The following SMARCB1 variants were observed in gnomAD, a reference collection of about 807,000 sequenced individuals.
SMARCB1 encodes the protein SWI/SNF related BAF chromatin remodeling complex subunit B1, also known as SWI/SNF-related matrix-associated actin-dependent regulator of chromatin subfamily B member 1.
Under a neutral mutation model 49.0 loss-of-function variants are expected in SMARCB1, and 5 were observed. The observed-to-expected ratio is 0.10, with a 90% CI of 0.05 to 0.21. The LOEUF is 0.21. Among genes scored for constraint, SMARCB1 ranks in the 10% least tolerant of loss-of-function variants. SMARCB1 has a pLI of 1.00. For missense variants in SMARCB1, 226 were observed against 509.2 expected (o/e 0.44, Z 5.35); for synonymous variants, 201 against 200.1 (o/e 1.00, Z -0.04).
At chr22:23,819,527 C>T (rs558252500) in intron 6 of SMARCB1, among the ~76,000 whole-genome samples, 2 of 152,050 alleles carry the variant, frequency 1.3e-5, no homozygotes, top group African/African-American at 2.4e-5. Flanking sequence ...GACCGGGTTT[C>T]ACCATGTTGG....
At chr22:23,788,105 C>T (rs1348515700) in intron 1 of SMARCB1, among the ~76,000 whole-genome samples, 3 of 152,144 alleles carry the variant, frequency 2.0e-5, no homozygotes, top group Non-Finnish European at 2.9e-5. Flanking sequence ...AACTCCTGGG[C>T]TCAAGCAGTC....
intron 3 of SMARCB1, among the ~76,000 whole-genome samples, chr22:23,795,421 C>T (rs559261089): frequency 1.1e-3 from 174 of 152,236 alleles, no homozygotes; most frequent in Non-Finnish European, 2.0e-3. Context: ...TTTGGGAGGC[C>T]GAGGCGGGCG....
At chr22:23,833,262 G>A (rs2030759740) in intron 7 of SMARCB1, among the ~76,000 whole-genome samples, 1 of 152,162 alleles carries the variant, frequency 6.6e-6, no homozygotes, top group Admixed American at 6.5e-5. Context: ...AGCCCGTGCT[G>A]TCCTGTCAAG....
chr22:23,834,677 G>T lies in SMARCB1; in HGVS notation c.*497G>T. The T allele has an allele frequency of 8.6e-7, 1 of 1,158,552 alleles. No individual in the cohort carries two copies. The highest frequency in any genetic ancestry group is 1.2e-6 in the Non-Finnish European group (1 of 831,786). The allele number at this position is 1,158,552 out of a possible 1,614,324, so 71.8% of individuals were successfully genotyped here. ...CCAAGTGGGCAGGTGGGGGTGAATG[G>T]GGCTCCGGGTAGCACCTCAGCTCCT... On this transcript the variant is annotated 3_prime_UTR_variant, in exon 9 of 9. Transcript: ENST00000644036.
intron 1 of SMARCB1, among the ~76,000 whole-genome samples, chr22:23,789,209 A>G (rs1259414411): frequency 2.0e-5 from 3 of 152,210 alleles, no homozygotes; most frequent in Non-Finnish European, 4.4e-5. Flanking sequence ...GTTGTCACTT[A>G]AATTACAACT....
rs781751615 is a variant in SMARCB1 at position 23,816,897 on chromosome 22, C to T, written c.756C>T (p.Ser252=). 2.5e-6 allele frequency: 4 copies of T among 1,614,106 alleles called. No homozygotes were observed. The highest frequency in any genetic ancestry group is 2.5e-6 in the Non-Finnish European group (3 of 1,179,982). The part of the protein sequence containing the change: ...RQQIESYPTD[S]ILEDQSDQRV... ...AGATCGAGTCCTACCCCACGGACAGCATCCTGGAGGACCAGTCAGACCAGC... is the reference window on the plus strand; with the variant it reads ...AGATCGAGTCCTACCCCACGGACAGTATCCTGGAGGACCAGTCAGACCAGC... Residue 252 remains serine (S), a synonymous_variant, in exon 6 of 9, where the codon AGC becomes AGT. Transcript: ENST00000644036.
At chr22:23,802,245 C>G (rs1321884354) in intron 4 of SMARCB1, 1 of 152,604 alleles carries the variant, frequency 6.6e-6, no homozygotes, top group Admixed American at 6.5e-5. Flanking sequence ...TGGCCTGGTG[C>G]TGCCACCGCT....
At chr22:23,833,976 G>GAC (rs2030817536) in intron 8 of SMARCB1, among the ~76,000 whole-genome samples, 165 bp from the exon 9 acceptor site, 1 of 149,948 alleles carries the variant, frequency 6.7e-6, no homozygotes, top group East Asian at 1.9e-4. Flanking sequence ...GGGCCTGAGT[G>GAC]GCAGACAGGC....
intron 5 of SMARCB1, among the ~76,000 whole-genome samples, chr22:23,813,091 TC>T (rs1929978996): frequency 6.6e-6 from 1 of 152,184 alleles, no homozygotes; most frequent in African/African-American, 2.4e-5. Flanking sequence ...TGTCTCGAAC[TC>T]CTGACCATGT....
chr22:23,795,736 C>T (rs186180955), intron 3 of SMARCB1, among the ~76,000 whole-genome samples: 40 of 150,256 alleles, frequency 2.7e-4, no homozygotes, highest in African/African-American at 9.3e-4. Flanking sequence ...AAACTGGCAA[C>T]ATAAGGAATT....
intron 1 of SMARCB1, 36 bp from the exon 2 acceptor site, chr22:23,791,720 C>T (rs373718082): frequency 2.5e-4 from 408 of 1,609,224 alleles, no homozygotes; most frequent in Non-Finnish European, 3.3e-4. Flanking sequence ...TGTGGTGCTG[C>T]GACCCTTATA....
intron 3 of SMARCB1, among the ~76,000 whole-genome samples, chr22:23,797,159 C>T (rs1160759589): frequency 1.1e-4 from 16 of 148,894 alleles, no homozygotes; most frequent in African/African-American, 2.2e-4. Context: ...CCACCTCGCC[C>T]GGCTAATTTT....
At chr22:23,824,342 C>T (rs1193321671) in intron 6 of SMARCB1, 2 of 152,268 alleles carry the variant, frequency 1.3e-5, no homozygotes, top group Admixed American at 1.3e-4. Flanking sequence ...TGCACTGTGA[C>T]CTGGTTGCCC....
At chr22:23,814,449 T>C (rs767936332) in intron 5 of SMARCB1, among the ~76,000 whole-genome samples, 20 of 152,178 alleles carry the variant, frequency 1.3e-4, no homozygotes, top group Admixed American at 3.3e-4. Flanking sequence ...GCAGATCACC[T>C]GAGATCACGA....
chr22:23,823,382 T>C (rs1226933915), intron 6 of SMARCB1: 4 of 152,252 alleles, frequency 2.6e-5, no homozygotes, highest in East Asian at 1.9e-4. Context: ...TAGATTCCAG[T>C]TGGGAAGGGC....
chr22:23,793,417 C>T (rs1928528842), intron 2 of SMARCB1, 142 bp from the exon 3 acceptor site: 2 of 861,108 alleles, frequency 2.3e-6, no homozygotes, highest in Non-Finnish European at 3.9e-6. Context: ...TTGGAAGAGG[C>T]CAGCATTCAG....
At chr22:23,808,187 T>A (rs1476428894) in intron 5 of SMARCB1, among the ~76,000 whole-genome samples, 2 of 96,284 alleles carry the variant, frequency 2.1e-5, no homozygotes, top group Non-Finnish European at 4.5e-5. Flanking sequence ...GTGGCGCAAT[T>A]TCGGCTCACT....
Position 23,825,284 on chromosome 22 carries a change from G to A in SMARCB1, c.855G>A (p.Glu285=), listed in dbSNP as rs754587817. 1.2e-5 allele frequency: 19 copies of A among 1,614,164 alleles called. 1 individual carries two copies. The South Asian group carries it at 1.9e-4, about 16-fold the overall frequency. Residue 285 remains glutamate (E), a synonymous_variant, in exon 7 of 9, where the codon GAG becomes GAA. Coordinates refer to ENST00000644036, the MANE Select transcript of SMARCB1 (RefSeq NM_003073.5). ...LVDQFEWDMS[E]KENSPEKFAL... ...ACCAGTTTGAGTGGGACATGTCAGA[G>A]AAGGAGAACTCACCAGAGAAGTTTG...
At position 23,811,286 on chromosome 22, in the gene SMARCB1, A is replaced by G. The variant is rs546273337; in HGVS notation, c.629-5484A>G. On this transcript the variant is annotated intron_variant, in intron 5 of 8. Coordinates refer to ENST00000644036, the MANE Select transcript of SMARCB1 (RefSeq NM_003073.5). ...CAGATAGAACCAAAAGGAGAAATAA[A>G]CAAATTCACAATCATTGGAGACCTC... Among the ~76,000 whole-genome samples, 4 of 152,360 alleles carry G rather than the reference A, an allele frequency of 2.6e-5. No individual in the cohort carries two copies. The East Asian group carries it at 5.8e-4, about 22-fold the overall frequency.
Sources: gnomAD v4.1 joint callset for allele counts (sites outside exome capture counted in the v4.1 genomes callset) on GRCh38, gnomAD v4.1.1 for gene constraint, MANE v1.5 for transcripts, NCBI Gene and HGNC (gene_info 2026-07-23, HGNC 2026-07-21) for gene names.